PCDHA1: variants seen among roughly 807,000 people sequenced by gnomAD.
PCDHA1 encodes protocadherin alpha 1.
PCDHA1 carries 42 observed loss-of-function variants against 61.3 expected under a neutral mutation model. The observed-to-expected ratio is 0.69, with a 90% CI of 0.54 to 0.89. PCDHA1 has a LOEUF of 0.89. Ranked by LOEUF, PCDHA1 falls within the 40% of genes least tolerant of loss-of-function variation. PCDHA1 has a pLI of 0.00. For synonymous variants in PCDHA1, 610 were observed against 553.8 expected, an observed-to-expected ratio of 1.10 and a Z score of -1.43; for missense variants, 1,256 against 1,235.3, an observed-to-expected ratio of 1.02 and a Z score of -0.25.
In PCDHA1 at chr5:140,850,761, C is replaced by T. The variant is rs2150497421; in HGVS notation, c.2394+62077C>T. ...TTGGTCGTACTCGCAGCAGAGGAGGCAGAGGGTGTGCTCTGGCGAGGGTAA... is the reference window on the plus strand; with the variant it reads ...TTGGTCGTACTCGCAGCAGAGGAGGTAGAGGGTGTGCTCTGGCGAGGGTAA... On this transcript the variant is annotated intron_variant, in intron 1 of 3. Coordinates refer to ENST00000504120, the MANE Select transcript of PCDHA1 (RefSeq NM_018900.4). The T allele has an allele frequency of 1.4e-5, 23 of 1,597,888 alleles. 2 individuals are homozygous for T. In the Admixed American group the frequency reaches 1.5e-4, roughly 11 times the overall value.
intron 3 of PCDHA1, among the ~76,000 whole-genome samples, chr5:140,995,850 C>T (rs924455609): frequency 3.9e-5 from 6 of 152,080 alleles, no homozygotes; most frequent in African/African-American, 1.4e-4. Context: ...ACATTTCTAT[C>T]GTATCACTTA....
At chr5:140,876,647 A>T in intron 1 of PCDHA1, 1 of 1,614,178 alleles carries the variant, frequency 6.2e-7, no homozygotes, top group Non-Finnish European at 8.5e-7. Flanking sequence ...CTGACACCTC[A>T]TGTTCCCTTC....
chr5:140,952,058 T>A (rs889374877), intron 1 of PCDHA1, among the ~76,000 whole-genome samples: 7 of 151,978 alleles, frequency 4.6e-5, no homozygotes, highest in Non-Finnish European at 8.8e-5. Context: ...ATCTTAAAGC[T>A]CCAAATAATC....
chr5:140,862,365 G>A (rs569361686), intron 1 of PCDHA1: 7 of 337,896 alleles, frequency 2.1e-5, no homozygotes, highest in African/African-American at 1.3e-4. Context: ...CAGACGACCC[G>A]CACCCTGACT....
intron 2 of PCDHA1, among the ~76,000 whole-genome samples, chr5:140,981,925 T>C (rs2096957903): frequency 1.3e-5 from 2 of 152,160 alleles, no homozygotes; most frequent in South Asian, 2.1e-4. Flanking sequence ...CAAGTTTCTC[T>C]AGTCTCAGGA....
At chr5:140,923,226 G>T (rs2081248805) in intron 1 of PCDHA1, among the ~76,000 whole-genome samples, 1 of 71,914 alleles carries the variant, frequency 1.4e-5, no homozygotes, top group Admixed American at 1.5e-4. Flanking sequence ...GATCGTTTGA[G>T]CCCAGAAGTT....
intron 3 of PCDHA1, among the ~76,000 whole-genome samples, chr5:140,985,013 C>T (rs1022576947): frequency 8.6e-5 from 13 of 152,046 alleles, no homozygotes; most frequent in Non-Finnish European, 1.3e-4. Context: ...TATCGGCTCA[C>T]AGCAACCTCT....
Position 141,010,344 on chromosome 5 carries a change from G to A in PCDHA1, c.*407G>A, listed in dbSNP as rs1011321402. On this transcript the variant is annotated 3_prime_UTR_variant, in exon 4 of 4. Coordinates refer to ENST00000504120, the MANE Select transcript of PCDHA1 (RefSeq NM_018900.4). Reference sequence around the variant, plus strand: ...CAGCTTGGGAGTTTGTGGCCACTGGGTATGTGTGGCTACCGCGGGTATGCG... The same window carrying A: ...CAGCTTGGGAGTTTGTGGCCACTGGATATGTGTGGCTACCGCGGGTATGCG... 3 of 1,518,888 alleles carry A rather than the reference G, an allele frequency of 2.0e-6. No homozygotes were observed. The Admixed American group carries it at 6.4e-5, about 33-fold the overall frequency. 94.1% of individuals were successfully genotyped at this position (1,518,888 alleles called of 1,614,324 possible).
At position 141,010,234 on chromosome 5, in the gene PCDHA1, T is replaced by C. The variant is rs1455330920; in HGVS notation, c.*297T>C. 1 of 1,551,824 alleles carries C rather than the reference T, an allele frequency of 6.4e-7. No individual in the cohort carries two copies. Among genetic ancestry groups the C allele is most frequent in the Non-Finnish European group, 8.7e-7 (1 of 1,147,042 alleles). On this transcript the variant is annotated 3_prime_UTR_variant, in exon 4 of 4. Transcript: ENST00000504120. ...AGGAGAGGCTTCCCAGCCCCGCCAG[T>C]GAGAGGTTGGACTCTCTGCCCTGTG...
chr5:140,823,985 C>T, intron 1 of PCDHA1: 1 of 1,614,170 alleles, frequency 6.2e-7, no homozygotes, highest in Non-Finnish European at 8.5e-7. Flanking sequence ...GGCAAGCCCA[C>T]TCTGTTGTGC....
chr5:140,966,793 G>A lies in PCDHA1; in HGVS notation c.2395-12156G>A, dbSNP rs1456903567. 4.6e-6 allele frequency: 7 copies of A among 1,532,300 alleles called. No homozygotes were observed. The Admixed American group carries it at 5.8e-5, about 13-fold the overall frequency. The allele number at this position is 1,532,300 out of a possible 1,614,324, so 94.9% of individuals were successfully genotyped here. A position where few individuals can be genotyped will look rare whatever the true frequency, so the allele number is the denominator to read the frequency against. ...TGGAGCAGGCGGGCACCAGACCTGC[G>A]GCGACAGAGCATCCACGGCTCCGGC... On this transcript the variant is annotated intron_variant, in intron 1 of 3. Transcript: ENST00000504120.
At chr5:140,950,860 G>A (rs529625926) in intron 1 of PCDHA1, among the ~76,000 whole-genome samples, 25 of 151,860 alleles carry the variant, frequency 1.6e-4, no homozygotes, top group African/African-American at 5.8e-4. Context: ...TCATATTCTT[G>A]TATATTCTAT....
intron 3 of PCDHA1, among the ~76,000 whole-genome samples, chr5:140,999,591 C>T (rs2153957965): frequency 1.3e-5 from 2 of 152,208 alleles, no homozygotes; most frequent in South Asian, 4.2e-4. Flanking sequence ...AATTGCCTTC[C>T]CTACATCCTG....
chr5:140,804,966 T>C (rs1257876550), intron 1 of PCDHA1: 4 of 1,456,626 alleles, frequency 2.7e-6, no homozygotes, highest in Non-Finnish European at 3.7e-6. Flanking sequence ...GTAGTAGCCA[T>C]AGTGTGTCCA....
rs1562356930 is a variant in PCDHA1, at chr5:140,836,340, G to A, written c.2394+47656G>A. ...CCACCGCCTTCTGGTGCTTGTGAAG[G>A]ACCACGGGGAGCCCTCGCTGACAGC... On this transcript the variant is annotated intron_variant, in intron 1 of 3. Transcript: ENST00000504120. 9.3e-6 allele frequency: 15 copies of A among 1,613,706 alleles called. 1 individual carries two copies. Among genetic ancestry groups the A allele is most frequent in the Non-Finnish European group, 1.3e-5 (15 of 1,179,826 alleles).
At chr5:140,841,325 GA>G in intron 1 of PCDHA1, 4 of 1,608,154 alleles carry the variant, frequency 2.5e-6, no homozygotes, top group Non-Finnish European at 3.4e-6. Flanking sequence ...ATTTAACATG[GA>G]TTATCACTGG....
At chr5:140,840,202 A>G (rs1426103909) in intron 1 of PCDHA1, among the ~76,000 whole-genome samples, 1 of 152,086 alleles carries the variant, frequency 6.6e-6, no homozygotes, top group African/African-American at 2.4e-5. Flanking sequence ...AAGGAAAAGA[A>G]GTCATAAAAA....
chr5:140,843,170 A>G, intron 1 of PCDHA1: 1 of 1,596,072 alleles, frequency 6.3e-7, no homozygotes, highest in Non-Finnish European at 8.6e-7. Flanking sequence ...AGCTGCAAGC[A>G]GCCCTCGCAT....
intron 1 of PCDHA1, chr5:140,801,477 G>A: frequency 6.2e-7 from 1 of 1,614,110 alleles, no homozygotes; most frequent in Non-Finnish European, 8.5e-7. Context: ...AGACCGCGAG[G>A]AACTGTGCGG....
Sources: gnomAD v4.1 joint callset for allele counts (sites outside exome capture counted in the v4.1 genomes callset) on GRCh38, gnomAD v4.1.1 for gene constraint, MANE v1.5 for transcripts, NCBI Gene and HGNC (gene_info 2026-07-23, HGNC 2026-07-21) for gene names.